The following CACNA1I variants were observed in gnomAD, a reference collection of about 807,000 sequenced individuals.
CACNA1I encodes the protein voltage-dependent T-type calcium channel subunit alpha-1I.
Under a neutral mutation model 201.6 loss-of-function variants are expected in CACNA1I, and 74 were observed. That is an observed-to-expected ratio of 0.37 (90% CI 0.30 to 0.45). The LOEUF is 0.45. Among genes scored for constraint, CACNA1I ranks in the 20% least tolerant of loss-of-function variants. The probability of loss-of-function intolerance (pLI) is 1.00; values close to 1 mark genes in which losing one functional copy is unlikely to be tolerated. For missense variants in CACNA1I, 2,346 were observed against 3,138.1 expected, an observed-to-expected ratio of 0.75 and a Z score of 6.03; for synonymous variants, 1,431 against 1,345.2, an observed-to-expected ratio of 1.06 and a Z score of -1.40.
chr22:39,588,385 C>CTTTCTTTTTTTTT (rs1217549900), intron 1 of CACNA1I, among the ~76,000 whole-genome samples: 1 of 80,724 alleles, frequency 1.2e-5, no homozygotes, highest in African/African-American at 4.4e-5. Context: ...TTCTTTCTTT[C>CTTTCTTTTTTTTT]TTTTTTTTTT....
At chr22:39,652,257 A>G (rs563956478) in intron 10 of CACNA1I, among the ~76,000 whole-genome samples, 1 of 152,004 alleles carries the variant, frequency 6.6e-6, no homozygotes, top group South Asian at 2.1e-4. Context: ...CACCCTCCCA[A>G]AGTGCTGGGA....
At chr22:39,651,515 C>T (rs1339675318) in intron 10 of CACNA1I, among the ~76,000 whole-genome samples, 3 of 152,190 alleles carry the variant, frequency 2.0e-5, no homozygotes, top group Non-Finnish European at 4.4e-5. Context: ...GCCCCCAGGA[C>T]CCCCTTGCTT....
rs145608374 is a variant in CACNA1I at position 39,581,476 on chromosome 22, C to T, written c.236+10488C>T. 4.3e-4 allele frequency among the ~76,000 whole-genome samples: 65 copies of T among 152,246 alleles called. No homozygotes were observed. The East Asian group carries it at 0.011, about 25-fold the overall frequency. On this transcript the variant is annotated intron_variant, in intron 1 of 36. Coordinates refer to ENST00000402142, the MANE Select transcript of CACNA1I (RefSeq NM_021096.4). ...CCGTTCCTGCTCCCAGCAGCTGAGCCGGCCCTGAGTCACCCGTTTGACAGA... is the reference window on the plus strand; with the variant it reads ...CCGTTCCTGCTCCCAGCAGCTGAGCTGGCCCTGAGTCACCCGTTTGACAGA...
intron 4 of CACNA1I, among the ~76,000 whole-genome samples, chr22:39,626,772 T>A (rs183345509): frequency 1.3e-5 from 2 of 152,128 alleles, no homozygotes; most frequent in African/African-American, 4.8e-5. Flanking sequence ...AATTTTTGTA[T>A]TTTTAGTAGA....
chr22:39,634,811 C>A, intron 5 of CACNA1I, 87 bp downstream of exon 5: 1 of 1,340,308 alleles, frequency 7.5e-7, no homozygotes, highest in Non-Finnish European at 1.0e-6. Context: ...GAATCAGGAC[C>A]AATGGGGTAG....
At position 39,676,147 on chromosome 22, in the gene CACNA1I, A is replaced by T. The variant is rs1296546684; in HGVS notation, c.4855-1194A>T. On this transcript the variant is annotated intron_variant, in intron 29 of 36. Coordinates refer to ENST00000402142, the MANE Select transcript of CACNA1I (RefSeq NM_021096.4). The surrounding 1 kb of genome is among the most constrained non-coding windows in gnomAD (Gnocchi z 4.8). Reference sequence around the variant, plus strand: ...ACAGCAGGGAGGGGACAGATAGAAAAGCTGACGGCAATCCTGGTTAAGAGA... The same window carrying T: ...ACAGCAGGGAGGGGACAGATAGAAATGCTGACGGCAATCCTGGTTAAGAGA... Among the ~76,000 whole-genome samples, 1 of 152,196 alleles carries T rather than the reference A, an allele frequency of 6.6e-6. No individual in the cohort carries two copies. The highest frequency in any genetic ancestry group is 1.5e-5 in the Non-Finnish European group (1 of 68,038).
intron 29 of CACNA1I, among the ~76,000 whole-genome samples, chr22:39,674,597 G>C (rs1935467177): frequency 6.6e-6 from 1 of 152,194 alleles, no homozygotes; most frequent in Admixed American, 6.5e-5. Context: ...TGAAAGGGGA[G>C]ATGTGATCAG....
chr22:39,658,289 C>T lies in CACNA1I; in HGVS notation c.2130C>T (p.Ile710=), dbSNP rs1309098017. 1 of 1,613,920 alleles carries T rather than the reference C, an allele frequency of 6.2e-7. No individual in the cohort carries two copies. Among genetic ancestry groups the T allele is most frequent in the Non-Finnish European group, 8.5e-7 (1 of 1,179,840 alleles). Reference sequence around the variant, plus strand: ...ACCCCTACAACATCTTCGACAGCATCATTGTCATCATCAGGTACCCCTCCC... The same window carrying T: ...ACCCCTACAACATCTTCGACAGCATTATTGTCATCATCAGGTACCCCTCCC... ...LRNPYNIFDS[I]IVIISIWEIV... Residue 710 remains isoleucine (I), a synonymous_variant, in exon 11 of 37, where the codon ATC becomes ATT. Transcript: ENST00000402142.
chr22:39,651,268 C>T (rs988025853), intron 10 of CACNA1I, among the ~76,000 whole-genome samples: 3 of 152,190 alleles, frequency 2.0e-5, no homozygotes, highest in South Asian at 2.1e-4. Context: ...TGCTGCCCTG[C>T]GGCCCTCCTT....
chr22:39,636,574 A>AT (rs1433925969), intron 5 of CACNA1I, among the ~76,000 whole-genome samples: 2 of 152,196 alleles, frequency 1.3e-5, no homozygotes, highest in African/African-American at 4.8e-5. Context: ...GGCCAGGGTC[A>AT]TCCCAGGCCT....
rs781603598 is a variant in CACNA1I, at chr22:39,666,085, T to TTG, written c.4104+81_4104+82dup. On this transcript the variant is annotated intron_variant, in intron 23 of 36. Transcript: ENST00000402142. This position sits in a 1 kb window ranked among gnomAD's most constrained non-coding sequence, Gnocchi z 4.1. The stretch of plus-strand genomic sequence containing the variant: ...TGGCTCTGGGAATCACAGACCTGGC[T>TTG]TGTCTTGCACTGCCAGGACTGACAC... The TTG allele has an allele frequency of 1.9e-3, 2,852 of 1,518,502 alleles. 2 individuals carry two copies. The highest frequency in any genetic ancestry group is 2.2e-3 in the Non-Finnish European group (2,471 of 1,117,010). The allele number at this position is 1,518,502 out of a possible 1,614,324, so 94.1% of individuals were successfully genotyped here. A position where few individuals can be genotyped will look rare whatever the true frequency, so the allele number is the denominator to read the frequency against.
intron 29 of CACNA1I, among the ~76,000 whole-genome samples, chr22:39,675,877 T>C (rs991470902): frequency 3.3e-5 from 5 of 152,118 alleles, no homozygotes; most frequent in African/African-American, 1.2e-4. Context: ...GATTGGAAGA[T>C]CAGGCTGGGA....
chr22:39,619,441 G>T, intron 4 of CACNA1I, 34 bp downstream of exon 4: 1 of 1,537,866 alleles, frequency 6.5e-7, no homozygotes, highest in Non-Finnish European at 8.9e-7. Context: ...CACATTCCTG[G>T]CTGATCCATC....
chr22:39,679,055 C>A (rs1935599238), intron 31 of CACNA1I, 52 bp from the exon 32 acceptor site: 2 of 1,422,666 alleles, frequency 1.4e-6, no homozygotes, highest in Admixed American at 2.0e-5. Context: ...CTGCCTCCAG[C>A]AGCCTCTGGG....
chr22:39,660,907 A>G (rs1934985889), intron 15 of CACNA1I, among the ~76,000 whole-genome samples: 1 of 152,060 alleles, frequency 6.6e-6, no homozygotes, highest in African/African-American at 2.4e-5. Flanking sequence ...ATACCTAAAT[A>G]AAGCTAAGAG....
chr22:39,679,804 G>C lies in CACNA1I; in HGVS notation c.5477G>C (p.Gly1826Ala), dbSNP rs1411877190. 1.2e-6 allele frequency: 2 copies of C among 1,613,016 alleles called. No individual in the cohort carries two copies. Among genetic ancestry groups the C allele is most frequent in the East Asian group, 2.2e-5 (1 of 44,850 alleles). The change falls in exon 33 of 37, where the codon GGC (glycine) becomes GCC (alanine). Residue 1826 changes from glycine (G) to alanine (A), a missense_variant. This residue lies in a region of CACNA1I where 441 missense variants were observed against 555.6 expected (regional missense o/e 0.79). Coordinates refer to ENST00000402142, the MANE Select transcript of CACNA1I (RefSeq NM_021096.4). The stretch of plus-strand genomic sequence containing the variant: ...CTGACCATCATCGACAACCTGTCGG[G>C]CTCCATCTTCCACCACTACTCCTCG... ...GELTIIDNLS[G>A]SIFHHYSSPA...
In CACNA1I at chr22:39,684,506, C is replaced by T; in HGVS notation, c.6027+8C>T. The T allele has an allele frequency of 6.2e-7, 1 of 1,610,760 alleles. No individual in the cohort carries two copies. The highest frequency in any genetic ancestry group is 8.5e-7 in the Non-Finnish European group (1 of 1,178,730). ...TGTACCCTCCTCCGGCAGGTACCGA[C>T]ACCTCCCAGGCCCTAGAGCACTGGT... is the stretch of plus-strand genomic sequence containing the variant. On this transcript the variant is annotated splice_region_variant and intron_variant, in intron 36 of 36. Transcript: ENST00000402142. The surrounding 1 kb of genome is among the most constrained non-coding windows in gnomAD (Gnocchi z 4.6).
At position 39,665,644 on chromosome 22, in the gene CACNA1I, G is replaced by A; in HGVS notation, c.3978+20G>A. On this transcript the variant is annotated intron_variant, in intron 22 of 36. Coordinates refer to ENST00000402142, the MANE Select transcript of CACNA1I (RefSeq NM_021096.4). This position sits in a 1 kb window ranked among gnomAD's most constrained non-coding sequence, Gnocchi z 5.5. ...GTGCAGGTGAGGGGTGCCCAGTCTGGGCAGGGACTGGGCTCTGTGACTGGG... is the reference window on the plus strand; with the variant it reads ...GTGCAGGTGAGGGGTGCCCAGTCTGAGCAGGGACTGGGCTCTGTGACTGGG... 1 of 1,612,060 alleles carries A rather than the reference G, an allele frequency of 6.2e-7. No homozygotes were observed. The highest frequency in any genetic ancestry group is 8.5e-7 in the Non-Finnish European group (1 of 1,178,634).
At chr22:39,630,468 A>C (rs1019455876) in intron 4 of CACNA1I, among the ~76,000 whole-genome samples, 2 of 152,214 alleles carry the variant, frequency 1.3e-5, no homozygotes, top group African/African-American at 2.4e-5. Flanking sequence ...GCCCTCATTC[A>C]GTACTTGCTG....
Sources: gnomAD v4.1 joint callset for allele counts (sites outside exome capture counted in the v4.1 genomes callset) on GRCh38, gnomAD v4.1.1 for gene constraint, gnomAD v4.1.1 regional missense constraint, Gnocchi (gnomAD v3.1) non-coding constraint, MANE v1.5 for transcripts, NCBI Gene and HGNC (gene_info 2026-07-23, HGNC 2026-07-21) for gene names.